PRKRIP1: variants seen among roughly 807,000 people sequenced by gnomAD.
PRKRIP1 encodes PRKR-interacting protein 1.
In PRKRIP1, 29 loss-of-function variants were observed where a neutral mutation model predicts 29.3. The observed-to-expected ratio is 0.99, with a 90% CI of 0.74 to 1.35. PRKRIP1 has a LOEUF of 1.35. Among genes scored for constraint, PRKRIP1 ranks in the 40% most tolerant of loss-of-function variants. The pLI is 0.00. For synonymous variants in PRKRIP1, 90 were observed against 85.1 expected (o/e 1.06, Z -0.32); for missense variants, 247 against 236.8 (o/e 1.04, Z -0.28).
intron 3 of PRKRIP1, among the ~76,000 whole-genome samples, chr7:102,401,443 G>A (rs937127573): frequency 4.6e-5 from 7 of 152,150 alleles, no homozygotes; most frequent in African/African-American, 1.4e-4. Context: ...AAAAAATTCT[G>A]CTTTGGGGGG....
At chr7:102,415,353 C>A (rs746100758) in intron 5 of PRKRIP1, among the ~76,000 whole-genome samples, 4 of 152,246 alleles carry the variant, frequency 2.6e-5, no homozygotes, top group Middle Eastern at 3.2e-3. Context: ...TCTCCCACTT[C>A]AGCCTCCCAA....
chr7:102,423,150 T>G (rs901453261), intron 5 of PRKRIP1: 1 of 446,188 alleles, frequency 2.2e-6, no homozygotes, highest in Non-Finnish European at 4.5e-6. Flanking sequence ...AGTCTGCCTC[T>G]GTCACCCAGG....
At chr7:102,402,478 G>A (rs928041865) in intron 3 of PRKRIP1, among the ~76,000 whole-genome samples, 1 of 151,974 alleles carries the variant, frequency 6.6e-6, no homozygotes, top group African/African-American at 2.4e-5. Flanking sequence ...GAGGGAGGGA[G>A]AGAAAGGAAA....
Position 102,397,604 on chromosome 7 carries a change from T to C in PRKRIP1, c.127-16T>C, listed in dbSNP as rs782731031. 2 of 1,605,790 alleles carry C rather than the reference T, an allele frequency of 1.2e-6. No homozygotes were observed. Among genetic ancestry groups the C allele is most frequent in the Admixed American group, 3.4e-5 (2 of 59,606 alleles). ...ACAGGTTTATACTTAAATGCTTTCA[T>C]GTTTAAATGTTGCAGGACAAAGCAG... On this transcript the variant is annotated splice_polypyrimidine_tract_variant and intron_variant, in intron 1 of 5. Coordinates refer to ENST00000397912, the MANE Select transcript of PRKRIP1 (RefSeq NM_024653.4).
chr7:102,406,372 T>C (rs1483951984), intron 4 of PRKRIP1, among the ~76,000 whole-genome samples: 1 of 152,184 alleles, frequency 6.6e-6, no homozygotes, highest in East Asian at 1.9e-4. Context: ...AAATCCACTT[T>C]TCATCACATG....
intron 5 of PRKRIP1, among the ~76,000 whole-genome samples, chr7:102,421,796 CAAA>C (rs781929946): frequency 1.6e-5 from 2 of 124,938 alleles, no homozygotes; most frequent in African/African-American, 5.9e-5. Flanking sequence ...ACCCCGTCTC[CAAA>C]AAAAAAAAAA....
chr7:102,417,218 TG>T (rs1663088748), intron 5 of PRKRIP1, among the ~76,000 whole-genome samples: 1 of 152,020 alleles, frequency 6.6e-6, no homozygotes, highest in African/African-American at 2.4e-5. Flanking sequence ...CCATCACTGT[TG>T]ATGTTTACCT....
At chr7:102,407,578 G>A in intron 5 of PRKRIP1, 80 bp downstream of exon 5, 1 of 1,087,946 alleles carries the variant, frequency 9.2e-7, no homozygotes, top group Non-Finnish European at 1.4e-6. Flanking sequence ...GAAACACAGG[G>A]ACGGAGAGTT....
At chr7:102,405,614 A>T (rs147941221) in intron 4 of PRKRIP1, 126 of 154,188 alleles carry the variant, frequency 8.2e-4, no homozygotes, top group African/African-American at 1.8e-3. Flanking sequence ...AATAAAAAAA[A>T]TTTTTTTTTA....
chr7:102,422,161 TATTATTATTATTATTATG>T (rs1366178206), intron 5 of PRKRIP1, among the ~76,000 whole-genome samples: 8 of 139,066 alleles, frequency 5.8e-5, no homozygotes, highest in South Asian at 2.2e-4. Context: ...TTATTATTAT[TATTATTATTATTATTATG>T]ATTATTATTA....
chr7:102,401,673 C>T (rs1328950768), intron 3 of PRKRIP1, among the ~76,000 whole-genome samples: 8 of 152,254 alleles, frequency 5.3e-5, no homozygotes, highest in East Asian at 3.9e-4. Flanking sequence ...TTGGAGGTTG[C>T]GGTGAGCTGA....
rs137859254 is a variant in PRKRIP1, at chr7:102,396,508, C to G, written c.97C>G (p.Leu33Val). Residue 33 changes from leucine to valine, a missense_variant, in exon 1 of 6, where the codon CTC becomes GTC. Leu to Val is a conservative substitution (Grantham distance 32). Coordinates refer to ENST00000397912, the MANE Select transcript of PRKRIP1 (RefSeq NM_024653.4). ...IPKNAAEEQK[L>V]KLERLMKNPD... Reference sequence around the variant, plus strand: ...CAAGAATGCGGCGGAGGAGCAGAAGCTCAAGCTGGAGCGGCTCATGAAGAA... The same window carrying G: ...CAAGAATGCGGCGGAGGAGCAGAAGGTCAAGCTGGAGCGGCTCATGAAGAA... 2.0e-4 allele frequency: 321 copies of G among 1,609,988 alleles called. 3 individuals are homozygous for G. Among genetic ancestry groups the G allele is most frequent in the Admixed American group, 2.0e-4 (12 of 59,624 alleles).
intron 5 of PRKRIP1, among the ~76,000 whole-genome samples, chr7:102,415,206 C>T (rs1159138943): frequency 3.9e-5 from 6 of 152,188 alleles, no homozygotes; most frequent in Admixed American, 3.9e-4. Flanking sequence ...TCTTGCCATT[C>T]CACCCCCCAC....
chr7:102,418,249 C>T (rs1796606114), intron 5 of PRKRIP1, among the ~76,000 whole-genome samples: 2 of 151,462 alleles, frequency 1.3e-5, no homozygotes, highest in South Asian at 4.2e-4. Flanking sequence ...AGGGTTTCAC[C>T]ATGTTGGCCA....
chr7:102,420,738 C>T (rs1471674921), intron 5 of PRKRIP1, among the ~76,000 whole-genome samples: 1 of 152,152 alleles, frequency 6.6e-6, no homozygotes, highest in African/African-American at 2.4e-5. Context: ...AATCCAAACT[C>T]GGAAATGCTG....
At chr7:102,418,901 G>C (rs1468887000) in intron 5 of PRKRIP1, among the ~76,000 whole-genome samples, 13 of 151,670 alleles carry the variant, frequency 8.6e-5, no homozygotes, top group African/African-American at 3.1e-4. Context: ...ACATTTTATC[G>C]CCCAAGCTGG....
rs111589039 is a variant in PRKRIP1, at chr7:102,403,440, T to C, written c.307-1158T>C. ...TTTGCTCCATTGACCTTTATGGCTG[T>C]GACTGGAAGAAACAAGAGATGACAC... On this transcript the variant is annotated intron_variant, in intron 3 of 5. Coordinates refer to ENST00000397912, the MANE Select transcript of PRKRIP1 (RefSeq NM_024653.4). Among the ~76,000 whole-genome samples the C allele has an allele frequency of 2.3e-3, 352 of 152,338 alleles. 2 individuals carry two copies. The highest frequency in any genetic ancestry group is 7.9e-3 in the African/African-American group (330 of 41,572).
intron 1 of PRKRIP1, 82 bp from the exon 2 acceptor site, chr7:102,397,537 AC>A (rs1249630422): frequency 1.8e-6 from 2 of 1,119,866 alleles, no homozygotes; most frequent in Non-Finnish European, 1.3e-6. Context: ...CAGAGCAAGA[AC>A]CTGTCTCTAA....
chr7:102,406,733 A>G (rs1227853407), intron 4 of PRKRIP1, among the ~76,000 whole-genome samples: 4 of 152,164 alleles, frequency 2.6e-5, no homozygotes, highest in Non-Finnish European at 5.9e-5. Context: ...TTCCTGGGCC[A>G]AATGCGTTGT....
Sources: gnomAD v4.1 joint callset for allele counts (sites outside exome capture counted in the v4.1 genomes callset) on GRCh38, gnomAD v4.1.1 for gene constraint, MANE v1.5 for transcripts, NCBI Gene and HGNC (gene_info 2026-07-23, HGNC 2026-07-21) for gene names.